Variants in SHROOM2 observed in about 807,000 individuals in gnomAD.
SHROOM2 encodes the protein protein Shroom2.
In SHROOM2, 33 loss-of-function variants were observed where a neutral mutation model predicts 75.9. That is an observed-to-expected ratio of 0.43 (90% confidence interval 0.33 to 0.58). The LOEUF (loss-of-function observed/expected upper bound fraction) is 0.58. Among genes scored for constraint, SHROOM2 ranks in the 20% least tolerant of loss-of-function variants. SHROOM2 has a pLI of 0.04. For synonymous variants in SHROOM2, 655 were observed against 663.6 expected, an observed-to-expected ratio of 0.99 and a Z score of 0.20; for missense variants, 1,434 against 1,461.2, an observed-to-expected ratio of 0.98 and a Z score of 0.30.
intron 1 of SHROOM2, among the ~76,000 whole-genome samples, chrX:9,861,741 G>A (rs376379920): frequency 4.5e-5 from 5 of 112,236 alleles, no homozygotes; most frequent in African/African-American, 1.6e-4. Flanking sequence ...CATTTTTGGG[G>A]TGATAAAACC....
At chrX:9,836,535 C>G (rs765584489) in intron 1 of SHROOM2, among the ~76,000 whole-genome samples, 2 of 107,601 alleles carry the variant, frequency 1.9e-5, no homozygotes, top group Non-Finnish European at 3.8e-5. Context: ...TCCCTTCTCT[C>G]TCTCCCTTTC....
At chrX:9,857,957 T>C (rs1319743714) in intron 1 of SHROOM2, among the ~76,000 whole-genome samples, 1 of 111,008 alleles carries the variant, frequency 9.0e-6, no homozygotes, top group African/African-American at 3.3e-5. Flanking sequence ...GTTCTATACA[T>C]GCAGCCCCTC....
At chrX:9,834,534 G>A (rs188167607) in intron 1 of SHROOM2, among the ~76,000 whole-genome samples, 1 of 111,925 alleles carries the variant, frequency 8.9e-6, no homozygotes, top group African/African-American at 3.2e-5. Flanking sequence ...CCTGGAAGAG[G>A]TCAAGGGGAA....
At chrX:9,855,154 G>A (rs1156839055) in intron 1 of SHROOM2, among the ~76,000 whole-genome samples, 2 of 107,799 alleles carry the variant, frequency 1.9e-5, no homozygotes. Flanking sequence ...CTGTCGGGGA[G>A]TTGGGGGTAG....
intron 5 of SHROOM2, among the ~76,000 whole-genome samples, chrX:9,909,420 G>C (rs191058472): frequency 1.8e-5 from 2 of 112,722 alleles, no homozygotes; most frequent in East Asian, 5.6e-4. Context: ...GTGGAGCATA[G>C]CTCCCCCGCT....
At position 9,921,481 on chromosome X, in the gene SHROOM2, A is replaced by T. The variant is rs182878090; in HGVS notation, c.2892-10694A>T. On this transcript the variant is annotated intron_variant, in intron 5 of 9. Transcript: ENST00000380913. ...CCTCTTTTTTTTTGTTGTCATTGAT[A>T]AGATCTACCCCCTTAGCAAATTTGT... is the stretch of plus-strand genomic sequence containing the variant. 3.0e-3 allele frequency among the ~76,000 whole-genome samples: 334 copies of T among 110,193 alleles called. 2 individuals carry two copies. The highest frequency in any genetic ancestry group is 0.01 in the African/African-American group (314 of 30,154).
intron 5 of SHROOM2, among the ~76,000 whole-genome samples, chrX:9,922,824 T>C (rs2084559055): frequency 9.0e-6 from 1 of 110,972 alleles, no homozygotes; most frequent in Non-Finnish European, 1.9e-5. Context: ...CATGGTCTTT[T>C]CTCTCCTGTG....
At chrX:9,866,425 TA>T (rs202060177) in intron 1 of SHROOM2, among the ~76,000 whole-genome samples, 4 of 107,186 alleles carry the variant, frequency 3.7e-5, no homozygotes, top group Admixed American at 1.0e-4. Context: ...ATATTGGACT[TA>T]AAAAAAAACT....
rs780653452 is a variant in SHROOM2 at position 9,932,494 on chromosome X, G to A, written c.3211G>A (p.Glu1071Lys). ...ACAGAGGCCACCGCCACCCAAGCGC[G>A]AGCCCAGGAGATACAGGGCCACAGA... ...APQRPPPPKR[E>K]PRRYRATDGA... Residue 1071 changes from glutamate to lysine, a missense_variant, in exon 6 of 10, where the codon GAG becomes AAG. Physicochemically the swap from Glu to Lys is moderately conservative, Grantham distance 56. This residue lies in a region of SHROOM2 where 1,340 missense variants were observed against 1,338.3 expected (regional missense o/e 1.00). Coordinates refer to ENST00000380913, the MANE Select transcript of SHROOM2 (RefSeq NM_001649.4). 3.8e-5 allele frequency: 46 copies of A among 1,206,766 alleles called. No homozygotes were observed. In the African/African-American group the frequency reaches 4.2e-4, roughly 11 times the overall value.
At chrX:9,934,308 A>G (rs763903577) in intron 6 of SHROOM2, among the ~76,000 whole-genome samples, 48 of 111,457 alleles carry the variant, frequency 4.3e-4, no homozygotes, top group Admixed American at 1.2e-3. Flanking sequence ...CTAGAGTCTC[A>G]AGTAATTTTT....
At chrX:9,890,666 G>A (rs1200531984) in intron 2 of SHROOM2, among the ~76,000 whole-genome samples, 1 of 111,335 alleles carries the variant, frequency 9.0e-6, no homozygotes. Context: ...TGTTTGGCAC[G>A]AGCACGCGTG....
intron 1 of SHROOM2, among the ~76,000 whole-genome samples, chrX:9,810,926 T>G (rs772353331): frequency 1.2e-4 from 13 of 110,289 alleles, no homozygotes; most frequent in African/African-American, 3.7e-4. Context: ...TCCATGAGCA[T>G]GAACCCACTG....
chrX:9,934,188 A>G (rs910750045), intron 6 of SHROOM2, among the ~76,000 whole-genome samples: 2 of 112,143 alleles, frequency 1.8e-5, no homozygotes, highest in Non-Finnish European at 3.8e-5. Flanking sequence ...AACCAAGTCG[A>G]TGAATGCAGG....
intron 1 of SHROOM2, among the ~76,000 whole-genome samples, chrX:9,815,386 A>T (rs1448901029): frequency 9.3e-6 from 1 of 107,854 alleles, no homozygotes; most frequent in Non-Finnish European, 1.9e-5. Context: ...CAAAATCTGT[A>T]TTAGGGTTCT....
At chrX:9,888,105 C>G (rs1213222912) in intron 2 of SHROOM2, among the ~76,000 whole-genome samples, 1 of 113,250 alleles carries the variant, frequency 8.8e-6, no homozygotes, top group Non-Finnish European at 1.9e-5. Context: ...AGGGCCAAAG[C>G]TAGGAATAGA....
In SHROOM2 at chrX:9,875,110, A is replaced by AAAAAAAAAAAAAG. The variant is rs2084192753; in HGVS notation, c.317+1307_317+1308insAAAAAAAAAAAAG. On this transcript the variant is annotated intron_variant, in intron 2 of 9. Transcript: ENST00000380913. Reference sequence around the variant, plus strand: ...AAAAAAAAAAAAAAAAAAAAAAAAAAGGGGAGGAAGGAAAAACATTTTTTG... The same window carrying AAAAAAAAAAAAAG: ...AAAAAAAAAAAAAAAAAAAAAAAAAAAAAAAAAAAAAAGGGGGAGGAAGGAAAAACATTTTTTG... Among the ~76,000 whole-genome samples, 22 of 93,128 alleles carry AAAAAAAAAAAAAG rather than the reference A, an allele frequency of 2.4e-4. 1 individual carries two copies. The highest frequency in any genetic ancestry group is 2.9e-4 in the African/African-American group (7 of 24,496). 80.9% of individuals were successfully genotyped at this position (93,128 alleles called of 115,157 possible). A position where few individuals can be genotyped will look rare whatever the true frequency, so the allele number is the denominator to read the frequency against.
intron 5 of SHROOM2, among the ~76,000 whole-genome samples, chrX:9,924,554 C>G (rs1410367347): frequency 9.0e-6 from 1 of 111,335 alleles, no homozygotes; most frequent in East Asian, 2.8e-4. Context: ...CAGGGTCTTG[C>G]TATGTTGCCC....
At chrX:9,804,586 C>T (rs1453822714) in intron 1 of SHROOM2, among the ~76,000 whole-genome samples, 3 of 111,595 alleles carry the variant, frequency 2.7e-5, no homozygotes, top group Non-Finnish European at 3.8e-5. Context: ...CCTCTGGAAA[C>T]GTGCCATCTG....
chrX:9,882,481 G>A (rs2084237367), intron 2 of SHROOM2, among the ~76,000 whole-genome samples: 1 of 111,302 alleles, frequency 9.0e-6, no homozygotes. Context: ...TGGATACTGG[G>A]ACAGCGATCG....
Sources: gnomAD v4.1 joint callset for allele counts (sites outside exome capture counted in the v4.1 genomes callset) on GRCh38, gnomAD v4.1.1 for gene constraint, gnomAD v4.1.1 regional missense constraint, MANE v1.5 for transcripts, NCBI Gene and HGNC (gene_info 2026-07-23, HGNC 2026-07-21) for gene names.